Variants in UBR3 observed in about 807,000 individuals in gnomAD.
UBR3 encodes the protein E3 ubiquitin-protein ligase UBR3.
Under a neutral mutation model 243.2 loss-of-function variants are expected in UBR3, and 85 were observed. That is an observed-to-expected ratio of 0.35 (90% CI 0.29 to 0.42). The LOEUF is 0.42. Ranked by LOEUF, UBR3 falls within the 10% of genes least tolerant of loss-of-function variation. UBR3 has a pLI of 1.00. For missense variants in UBR3, 1,686 were observed against 2,300.8 expected, an observed-to-expected ratio of 0.73 and a Z score of 5.47; for synonymous variants, 748 against 799.8, an observed-to-expected ratio of 0.94 and a Z score of 1.09.
intron 30 of UBR3, among the ~76,000 whole-genome samples, chr2:170,023,814 G>T (rs1413856885): frequency 6.6e-6 from 1 of 152,054 alleles, no homozygotes; most frequent in Non-Finnish European, 1.5e-5. Flanking sequence ...CTGAACTCGT[G>T]ATCCACCCAC....
At chr2:169,971,963 TAATG>T (rs1244137748) in intron 24 of UBR3, among the ~76,000 whole-genome samples, 1 of 151,872 alleles carries the variant, frequency 6.6e-6, no homozygotes, top group Non-Finnish European at 1.5e-5. Flanking sequence ...TTCAAAAAAT[TAATG>T]AATCCAGGAG....
chr2:169,939,608 G>T (rs1392134859), intron 19 of UBR3, among the ~76,000 whole-genome samples: 1 of 149,718 alleles, frequency 6.7e-6, no homozygotes, highest in Non-Finnish European at 1.5e-5. Flanking sequence ...CTGTCTTCCA[G>T]GCTGGTGTGT....
Position 169,994,436 on chromosome 2 carries a change from T to G in UBR3, c.3898T>G (p.Leu1300Val). 6.2e-7 allele frequency: 1 copy of G among 1,614,126 alleles called. No homozygotes were observed. The highest frequency in any genetic ancestry group is 8.5e-7 in the Non-Finnish European group (1 of 1,179,972). The change falls in exon 26 of 39, where the codon TTA (leucine) becomes GTA (valine). Residue 1300 changes from leucine (L) to valine (V), a missense_variant. By Grantham distance (32) the Leu-to-Val change is conservative. Coordinates refer to ENST00000272793, the MANE Select transcript of UBR3 (RefSeq NM_172070.4). ...AAVHDVRLSL[L>V]QRYFKDSSCL... ...CGTTCATGATGTGAGGCTTTCATTA[T>G]TACAGCGTTATTTTAAGGATGTAAG...
intron 1 of UBR3, among the ~76,000 whole-genome samples, chr2:169,861,606 CA>C (rs56963417): frequency 0.24 from 22,303 of 92,012 alleles, 1,678 homozygotes; most frequent in East Asian, 0.44. Flanking sequence ...GACTCTGTCT[CA>C]AAAAAAAAAA....
At chr2:169,836,031 CTCTCTCTCTCTCTATATATA>C (rs1337025961) in intron 1 of UBR3, among the ~76,000 whole-genome samples, 433 of 25,076 alleles carry the variant, frequency 0.017, 10 homozygotes, top group Admixed American at 0.034. Flanking sequence ...CTCTCTCTCT[CTCTCTCTCTCTCTATATATA>C]TATATATATA....
chr2:169,970,406 G>A (rs2088071197), intron 24 of UBR3, among the ~76,000 whole-genome samples: 2 of 138,328 alleles, frequency 1.4e-5, no homozygotes, highest in Admixed American at 1.5e-4. Context: ...ATTGTGTCAT[G>A]CTGGTGCGCT....
chr2:169,866,111 A>C (rs572688956), intron 1 of UBR3, among the ~76,000 whole-genome samples: 1 of 128,980 alleles, frequency 7.8e-6, no homozygotes, highest in Admixed American at 9.4e-5. Flanking sequence ...GTATGGTGCC[A>C]CTGCACTCCA....
intron 1 of UBR3, among the ~76,000 whole-genome samples, chr2:169,838,390 TG>T (rs2082180799): frequency 2.1e-3 from 5 of 2,430 alleles, no homozygotes; most frequent in African/African-American, 3.8e-3. Flanking sequence ...AAGGCATTTG[TG>T]TGTGTGTGTG....
chr2:170,001,624 AGT>A (rs1453721314), intron 27 of UBR3, among the ~76,000 whole-genome samples: 2 of 152,148 alleles, frequency 1.3e-5, no homozygotes, highest in African/African-American at 4.8e-5. Flanking sequence ...AGCCAGACGC[AGT>A]GGTTCATGCC....
intron 24 of UBR3, among the ~76,000 whole-genome samples, chr2:169,970,431 G>T (rs1295187996): frequency 7.7e-6 from 1 of 129,722 alleles, no homozygotes. Flanking sequence ...CCACTAACTC[G>T]TCATCTAGCA....
chr2:169,925,718 A>G lies in UBR3; in HGVS notation c.2122A>G (p.Met708Val), dbSNP rs774880357. The G allele has an allele frequency of 1.3e-6, 2 of 1,550,176 alleles. No individual in the cohort carries two copies. Among genetic ancestry groups the G allele is most frequent in the Non-Finnish European group, 1.7e-6 (2 of 1,146,398 alleles). The change falls in exon 14 of 39, where the codon ATG (methionine) becomes GTG (valine). Residue 708 changes from methionine (M) to valine (V), a missense_variant. Met to Val is a conservative substitution (Grantham distance 21). This residue lies in a region of UBR3 where 346 missense variants were observed against 585.8 expected (regional missense o/e 0.59). Coordinates refer to ENST00000272793, the MANE Select transcript of UBR3 (RefSeq NM_172070.4). ...TGTCCAGTCTCATTTCTGTAATTCC[A>G]TGATTGATCCTGACATTTACCTGTT... ...TYVQSHFCNSMIDPDIYLLQV... is the reference protein window; with the variant it reads ...TYVQSHFCNSVIDPDIYLLQV...
chr2:169,896,026 G>A (rs891035829), intron 7 of UBR3, among the ~76,000 whole-genome samples: 6 of 152,162 alleles, frequency 3.9e-5, no homozygotes, highest in Non-Finnish European at 7.3e-5. Flanking sequence ...GCTGGGCGTG[G>A]TAGCTCACGT....
At chr2:170,018,556 T>A (rs1200005276) in intron 30 of UBR3, among the ~76,000 whole-genome samples, 1 of 152,150 alleles carries the variant, frequency 6.6e-6, no homozygotes, top group Non-Finnish European at 1.5e-5. Context: ...TGAGACTTGT[T>A]CCAATGCCAT....
chr2:169,858,010 A>G (rs1010233572), intron 1 of UBR3, among the ~76,000 whole-genome samples: 2 of 152,200 alleles, frequency 1.3e-5, no homozygotes, highest in African/African-American at 4.8e-5. Context: ...TAGTTGGTTG[A>G]TAGTGTTTTT....
intron 25 of UBR3, among the ~76,000 whole-genome samples, chr2:169,990,112 T>G (rs57284776): frequency 0.043 from 6,516 of 152,284 alleles, 155 homozygotes; most frequent in Middle Eastern, 0.061. Context: ...TCACTGATAC[T>G]TTATTGCCAT....
intron 1 of UBR3, among the ~76,000 whole-genome samples, chr2:169,850,705 G>T (rs1280199381): frequency 6.6e-6 from 1 of 152,054 alleles, no homozygotes; most frequent in Admixed American, 6.6e-5. Context: ...TTAGCCGGGC[G>T]TGGTGGTGGG....
intron 35 of UBR3, among the ~76,000 whole-genome samples, chr2:170,064,606 T>A (rs1473467600): frequency 6.6e-6 from 1 of 151,984 alleles, no homozygotes; most frequent in African/African-American, 2.4e-5. Context: ...ATGTACAAAT[T>A]ATTTATGAAA....
chr2:169,862,670 A>AT (rs11390737), intron 1 of UBR3, among the ~76,000 whole-genome samples: 9,938 of 151,988 alleles, frequency 0.065, 342 homozygotes, highest in Non-Finnish European at 0.084. Flanking sequence ...CTTTATTGTT[A>AT]TTTTCACTGG....
At chr2:169,998,661 G>A (rs184626413) in intron 26 of UBR3, among the ~76,000 whole-genome samples, 2 of 152,208 alleles carry the variant, frequency 1.3e-5, no homozygotes, top group African/African-American at 2.4e-5. Context: ...ACTATCAGTG[G>A]GCACTGATAT....
Sources: gnomAD v4.1 joint callset for allele counts (sites outside exome capture counted in the v4.1 genomes callset) on GRCh38, gnomAD v4.1.1 for gene constraint, gnomAD v4.1.1 regional missense constraint, MANE v1.5 for transcripts, NCBI Gene and HGNC (gene_info 2026-07-23, HGNC 2026-07-21) for gene names.